The following PLA2G5 variants were observed in gnomAD, a reference collection of about 807,000 sequenced individuals.
PLA2G5 encodes the protein phospholipase A2 group V.
PLA2G5 carries 12 observed loss-of-function variants against 15.9 expected under a neutral mutation model. The ratio of observed to expected loss-of-function variants is 0.76; its 90% CI spans 0.48 to 1.23. PLA2G5 has a LOEUF of 1.23. PLA2G5 is among the 50% of genes most tolerant of loss of function. The pLI is 0.00. For synonymous variants in PLA2G5, 71 were observed against 71.4 expected (o/e 0.99, Z 0.03); for missense variants, 169 against 177.1 (o/e 0.95, Z 0.26).
intron 2 of PLA2G5, among the ~76,000 whole-genome samples, chr1:20,061,075 C>T (rs1388345599): frequency 6.6e-6 from 1 of 152,322 alleles, no homozygotes; most frequent in Non-Finnish European, 1.5e-5. Context: ...ATGGACCAGG[C>T]AGCCTGGTGA....
At position 20,060,247 on chromosome 1, in the gene PLA2G5, CTTTTTTT is replaced by C. The variant is rs71585739; in HGVS notation, n.337+573_337+579del. 1.2e-4 allele frequency among the ~76,000 whole-genome samples: 10 copies of C among 83,704 alleles called. No individual in the cohort carries two copies. In the South Asian group the frequency reaches 3.2e-3, roughly 27 times the overall value. 54.9% of individuals were successfully genotyped at this position (83,704 alleles called of 152,430 possible). Reference sequence around the variant, plus strand: ...CTATTTACTGACTTTCTTTTTTCTTCTTTTTTTTTTTTTTTTTTTTTTTTGAGACAGA... The same window carrying C: ...CTATTTACTGACTTTCTTTTTTCTTCTTTTTTTTTTTTTTTTTGAGACAGA... On this transcript the variant is annotated intron_variant and non_coding_transcript_variant, in intron 2 of 6. Coordinates refer to the PLA2G5 transcript ENST00000460175.
chr1:20,038,597 A>G (rs1056133385), intron 1 of PLA2G5, among the ~76,000 whole-genome samples: 8 of 152,146 alleles, frequency 5.3e-5, no homozygotes, highest in African/African-American at 1.9e-4. Flanking sequence ...TGAGATAACA[A>G]CATAACAAGA....
Position 20,086,070 on chromosome 1 carries a change from G to A in PLA2G5, c.41-13G>A, listed in dbSNP as rs1269053368. 6.2e-7 allele frequency: 1 copy of A among 1,613,760 alleles called. No homozygotes were observed. Among genetic ancestry groups the A allele is most frequent in the South Asian group, 1.1e-5 (1 of 91,056 alleles). ...TGCCTGGGTGTCACCTGGGGACATG[G>A]GCTATCTTCCAGGTGTGCCTGCTGT... On this transcript the variant is annotated splice_polypyrimidine_tract_variant and intron_variant, in intron 2 of 4. Coordinates refer to ENST00000375108, the MANE Select transcript of PLA2G5 (RefSeq NM_000929.3).
At chr1:20,055,290 G>A (rs76932008) in intron 1 of PLA2G5, among the ~76,000 whole-genome samples, 18 of 152,226 alleles carry the variant, frequency 1.2e-4, no homozygotes, top group Admixed American at 2.6e-4. Flanking sequence ...TCTCTTTCCC[G>A]TATGGTTCTA....
intron 3 of PLA2G5, among the ~76,000 whole-genome samples, chr1:20,087,690 A>G (rs2016363954): frequency 6.6e-6 from 1 of 152,118 alleles, no homozygotes; most frequent in Non-Finnish European, 1.5e-5. Context: ...AGTCATATAT[A>G]TATATACAGG....
chr1:20,074,226 C>T (rs191566840), intron 1 of PLA2G5, among the ~76,000 whole-genome samples: 174 of 152,268 alleles, frequency 1.1e-3, no homozygotes, highest in African/African-American at 4.0e-3. Context: ...TTCGAGAGCA[C>T]AGAATGTCAG....
chr1:20,045,294 G>T (rs12757613), intron 1 of PLA2G5, among the ~76,000 whole-genome samples: 8,998 of 152,180 alleles, frequency 0.059, 477 homozygotes, highest in East Asian at 0.25. Flanking sequence ...AGAAGTGGTT[G>T]GTGGTGGTAC....
intron 1 of PLA2G5, among the ~76,000 whole-genome samples, chr1:20,055,769 T>G (rs1322261212): frequency 6.6e-6 from 1 of 152,188 alleles, no homozygotes; most frequent in Non-Finnish European, 1.5e-5. Flanking sequence ...GAGGTCTATT[T>G]CCCATAATAA....
intron 1 of PLA2G5, chr1:20,046,222 T>A (rs1262120697): frequency 1.3e-5 from 2 of 152,214 alleles, no homozygotes; most frequent in African/African-American, 4.8e-5. Context: ...ATTAGAGTGC[T>A]CAGCGATCAT....
At chr1:20,050,145 A>G (rs764178450) in intron 1 of PLA2G5, among the ~76,000 whole-genome samples, 3 of 152,322 alleles carry the variant, frequency 2.0e-5, no homozygotes, top group Non-Finnish European at 2.9e-5. Flanking sequence ...TTTTAAAATT[A>G]AGGTTATTAT....
chr1:20,053,108 G>C (rs2100417457), intron 1 of PLA2G5, among the ~76,000 whole-genome samples: 1 of 152,274 alleles, frequency 6.6e-6, no homozygotes, highest in South Asian at 2.1e-4. Context: ...GGCCTCCTGA[G>C]GCTGTGTCGT....
chr1:20,061,828 A>C (rs1369379577), intron 2 of PLA2G5, among the ~76,000 whole-genome samples: 1 of 152,188 alleles, frequency 6.6e-6, no homozygotes, highest in Non-Finnish European at 1.5e-5. Context: ...CCCCCAAACA[A>C]GGGGCTTCTC....
chr1:20,070,331 G>C lies in PLA2G5; in HGVS notation c.-145G>C. ...GGAGGCCAAGAATTTGACTCCCCCC[G>C]GATCCATGGTCTGTGGATACCAATG... On this transcript the variant is annotated 5_prime_UTR_variant, in exon 1 of 5. Transcript: ENST00000375108. 2.0e-6 allele frequency: 2 copies of C among 985,482 alleles called. No homozygotes were observed. The highest frequency in any genetic ancestry group is 6.1e-5 in the Admixed American group (1 of 16,292). 61.0% of individuals were successfully genotyped at this position (985,482 alleles called of 1,614,324 possible). A position where few individuals can be genotyped will look rare whatever the true frequency, so the allele number is the denominator to read the frequency against.
intron 1 of PLA2G5, among the ~76,000 whole-genome samples, chr1:20,030,212 A>G (rs1428895751): frequency 2.6e-5 from 4 of 151,646 alleles, no homozygotes; most frequent in Non-Finnish European, 5.9e-5. Flanking sequence ...TTTATTGATC[A>G]CTATCTCTAC....
intron 2 of PLA2G5, among the ~76,000 whole-genome samples, chr1:20,060,236 T>A (rs72661076): frequency 1.4e-4 from 17 of 120,340 alleles, no homozygotes; most frequent in South Asian, 8.4e-4. Context: ...TTACTGACTT[T>A]CTTTTTTCTT....
At chr1:20,085,449 C>T (rs565199153) in intron 2 of PLA2G5, among the ~76,000 whole-genome samples, 1 of 152,164 alleles carries the variant, frequency 6.6e-6, no homozygotes. Context: ...GAGCCTTGGG[C>T]TCACTGTGAA....
chr1:20,086,073 T>C lies in PLA2G5; in HGVS notation c.41-10T>C, dbSNP rs2016271962. On this transcript the variant is annotated splice_polypyrimidine_tract_variant and intron_variant, in intron 2 of 4. Coordinates refer to ENST00000375108, the MANE Select transcript of PLA2G5 (RefSeq NM_000929.3). ...CTGGGTGTCACCTGGGGACATGGGC[T>C]ATCTTCCAGGTGTGCCTGCTGTGCA... 2 of 1,613,850 alleles carry C rather than the reference T, an allele frequency of 1.2e-6. No individual in the cohort carries two copies. Among genetic ancestry groups the C allele is most frequent in the African/African-American group, 1.3e-5 (1 of 74,922 alleles).
intron 1 of PLA2G5, among the ~76,000 whole-genome samples, chr1:20,040,996 A>G (rs1196338396): frequency 6.6e-6 from 1 of 152,220 alleles, no homozygotes; most frequent in Admixed American, 6.5e-5. Flanking sequence ...TAAAATGTAT[A>G]AAAACAAACT....
intron 1 of PLA2G5, among the ~76,000 whole-genome samples, chr1:20,033,770 G>A (rs918228560): frequency 1.3e-5 from 2 of 151,958 alleles, no homozygotes; most frequent in African/African-American, 2.4e-5. Context: ...CATTAAAAGG[G>A]CATTTTTTTT....
Sources: gnomAD v4.1 joint callset for allele counts (sites outside exome capture counted in the v4.1 genomes callset) on GRCh38, gnomAD v4.1.1 for gene constraint, MANE v1.5 for transcripts, NCBI Gene and HGNC (gene_info 2026-07-23, HGNC 2026-07-21) for gene names.